Variants in GREB1L observed in about 807,000 individuals in gnomAD.
GREB1L encodes GREB1-like protein.
A neutral mutation model predicts 200.8 loss-of-function variants in GREB1L; 17 were observed. That is an observed-to-expected ratio of 0.08 (90% confidence interval 0.06 to 0.13). The LOEUF (loss-of-function observed/expected upper bound fraction) is 0.13, where lower values mean the gene tolerates loss of function less well. GREB1L is among the 10% of genes least tolerant of loss of function. The pLI is 1.00. For synonymous variants in GREB1L, 789 were observed against 893.0 expected, an observed-to-expected ratio of 0.88 and a Z score of 2.08; for missense variants, 1,657 against 2,367.7, an observed-to-expected ratio of 0.70 and a Z score of 6.23.
chr18:21,255,051 A>G (rs775453869), intron 1 of GREB1L, among the ~76,000 whole-genome samples: 2 of 152,196 alleles, frequency 1.3e-5, no homozygotes, highest in Non-Finnish European at 2.9e-5. Context: ...CTGTGGGGTT[A>G]ATATTGAAAA....
At chr18:21,478,988 T>A (rs1215127642) in intron 17 of GREB1L, among the ~76,000 whole-genome samples, 1 of 152,138 alleles carries the variant, frequency 6.6e-6, no homozygotes, top group Non-Finnish European at 1.5e-5. Context: ...TTCAAGCAGT[T>A]CTCCTGCCTC....
At chr18:21,250,768 G>A (rs529174697) in intron 1 of GREB1L, among the ~76,000 whole-genome samples, 40 of 152,310 alleles carry the variant, frequency 2.6e-4, no homozygotes, top group African/African-American at 9.4e-4. Flanking sequence ...TTTCACTTGA[G>A]AGTTCTGCCT....
At chr18:21,482,595 G>A (rs2035962528) in intron 17 of GREB1L, among the ~76,000 whole-genome samples, 1 of 148,322 alleles carries the variant, frequency 6.7e-6, no homozygotes, top group Admixed American at 6.7e-5. Context: ...AGATGAGACT[G>A]ACTTTGAGTT....
intron 7 of GREB1L, among the ~76,000 whole-genome samples, chr18:21,426,974 AAAAAAAAAAAAAAC>A (rs1319604253): frequency 4.6e-5 from 3 of 65,540 alleles, no homozygotes; most frequent in East Asian, 6.7e-4. Context: ...AAAAAAAAAC[AAAAAAAAAAAAAAC>A]AAAAAAAAAA....
chr18:21,481,439 ATGTGTGTGTGTGTGTG>A lies in GREB1L; in HGVS notation c.2556+4107_2556+4122del, dbSNP rs34711292. On this transcript the variant is annotated intron_variant, in intron 17 of 32. Transcript: ENST00000424526. ...GATTTTTGAGCAACAGTATATATGT[ATGTGTGTGTGTGTGTG>A]TGTGTGTGTGTGTGTGTGTGTGTAT... Among the ~76,000 whole-genome samples the A allele has an allele frequency of 4.6e-4, 59 of 127,552 alleles. No individual in the cohort carries two copies. The South Asian group carries it at 0.016, about 35-fold the overall frequency. The allele number at this position is 127,552 out of a possible 152,430, so 83.7% of individuals were successfully genotyped here.
chr18:21,428,810 G>A (rs1333557887), intron 7 of GREB1L, among the ~76,000 whole-genome samples: 1 of 142,588 alleles, frequency 7.0e-6, no homozygotes, highest in Non-Finnish European at 1.5e-5. Context: ...CTCCACTTCC[G>A]AGGTTCCAGC....
At position 21,279,568 on chromosome 18, in the gene GREB1L, C is replaced by T. The variant is rs73422038; in HGVS notation, c.-120+37175C>T. Among the ~76,000 whole-genome samples, 1,224 of 152,222 alleles carry T rather than the reference C, an allele frequency of 8.0e-3. 18 individuals carry two copies. The highest frequency in any genetic ancestry group is 0.027 in the African/African-American group (1,102 of 41,538). ...AGATTCTTCCAATTTTTAATTCCCCCGGAATGTAAGAGTACCAATTTCACT... is the reference window on the plus strand; with the variant it reads ...AGATTCTTCCAATTTTTAATTCCCCTGGAATGTAAGAGTACCAATTTCACT... On this transcript the variant is annotated intron_variant, in intron 1 of 32. Coordinates refer to ENST00000424526, the MANE Select transcript of GREB1L (RefSeq NM_001142966.3).
chr18:21,358,911 A>G (rs1239021260), intron 1 of GREB1L, among the ~76,000 whole-genome samples: 2 of 152,266 alleles, frequency 1.3e-5, no homozygotes, highest in Non-Finnish European at 2.9e-5. Context: ...TTGATTTTGT[A>G]TCAACTTTAC....
At chr18:21,299,206 A>G (rs2038578339) in intron 1 of GREB1L, among the ~76,000 whole-genome samples, 1 of 148,618 alleles carries the variant, frequency 6.7e-6, no homozygotes, top group African/African-American at 2.5e-5. Context: ...TGAACCCTGG[A>G]GGCGGAGGTT....
rs377032258 is a variant in GREB1L, at chr18:21,508,497, G to T, written c.4641G>T (p.Leu1547=). The T allele has an allele frequency of 1.9e-6, 3 of 1,551,562 alleles. No homozygotes were observed. The African/African-American group carries it at 4.1e-5, about 21-fold the overall frequency. ...AMEGISHLHL[L]VVKEYEMPLY... ...AGGGCATCAGCCACCTTCACCTCCTGGTGGTCAAAGAGTATGAGATGCCTC... is the reference window on the plus strand; with the variant it reads ...AGGGCATCAGCCACCTTCACCTCCTTGTGGTCAAAGAGTATGAGATGCCTC... The change falls in exon 27 of 33, where the codon CTG becomes CTT. Residue 1547 remains leucine, a synonymous_variant. Transcript: ENST00000424526.
At chr18:21,301,847 G>A (rs1189244315) in intron 1 of GREB1L, among the ~76,000 whole-genome samples, 1 of 152,178 alleles carries the variant, frequency 6.6e-6, no homozygotes, top group African/African-American at 2.4e-5. Flanking sequence ...TATGGTACAG[G>A]CCATTGAAGC....
At chr18:21,252,633 C>T (rs866060517) in intron 1 of GREB1L, among the ~76,000 whole-genome samples, 5 of 150,968 alleles carry the variant, frequency 3.3e-5, no homozygotes, top group East Asian at 2.0e-4. Context: ...TTTGGGAGGC[C>T]GAGGTGGGTG....
chr18:21,327,754 C>G (rs1182143602), intron 1 of GREB1L, among the ~76,000 whole-genome samples: 5 of 151,786 alleles, frequency 3.3e-5, no homozygotes, highest in Admixed American at 1.3e-4. Flanking sequence ...CTCTGTTACC[C>G]AGGCTGGAGT....
chr18:21,487,364 G>A (rs2036165728), intron 18 of GREB1L, among the ~76,000 whole-genome samples: 1 of 152,202 alleles, frequency 6.6e-6, no homozygotes, highest in South Asian at 2.1e-4. Flanking sequence ...AAACAGAAAT[G>A]CCAGATATCA....
chr18:21,335,666 C>CTTT (rs746907148), intron 1 of GREB1L, among the ~76,000 whole-genome samples: 1 of 139,336 alleles, frequency 7.2e-6, no homozygotes, highest in African/African-American at 2.6e-5. Flanking sequence ...TTCTTTTTTT[C>CTTT]TTTTTTTTTT....
intron 14 of GREB1L, 41 bp from the exon 15 acceptor site, chr18:21,454,325 G>A (rs1264037018): frequency 2.1e-6 from 3 of 1,399,588 alleles, no homozygotes; most frequent in Non-Finnish European, 3.0e-6. Context: ...CATTAGGGAA[G>A]TAAATTAACC....
At chr18:21,479,256 G>A (rs753298726) in intron 17 of GREB1L, among the ~76,000 whole-genome samples, 10 of 152,020 alleles carry the variant, frequency 6.6e-5, no homozygotes, top group Non-Finnish European at 2.9e-5. Flanking sequence ...GGAGTGTAGA[G>A]ACAACTGTCC....
At chr18:21,359,835 A>G (rs2039557669) in intron 1 of GREB1L, among the ~76,000 whole-genome samples, 1 of 152,220 alleles carries the variant, frequency 6.6e-6, no homozygotes, top group Non-Finnish European at 1.5e-5. Flanking sequence ...GAAGTAGGTT[A>G]AGAAATTTGT....
chr18:21,506,009 T>TG (rs1201998470), intron 25 of GREB1L, 60 bp downstream of exon 25: 11 of 1,489,736 alleles, frequency 7.4e-6, no homozygotes, highest in African/African-American at 1.4e-5. Context: ...TATGTAAGGG[T>TG]GGGGGGTGGA....
Sources: allele counts gnomAD v4.1 joint callset (sites outside exome capture counted in the v4.1 genomes callset), GRCh38; gene constraint gnomAD v4.1.1; transcripts MANE v1.5; gene names NCBI Gene and HGNC (gene_info 2026-07-23, HGNC 2026-07-21).